Variants in POU6F2 observed in about 807,000 individuals in gnomAD.
POU6F2 encodes the protein POU domain, class 6, transcription factor 2.
A neutral mutation model predicts 71.3 loss-of-function variants in POU6F2; 31 were observed. The ratio of observed to expected loss-of-function variants is 0.43; its 90% CI spans 0.33 to 0.59. The LOEUF is 0.59. Among genes scored for constraint, POU6F2 ranks in the 20% least tolerant of loss-of-function variants. POU6F2 has a pLI of 0.04. For synonymous variants in POU6F2, 347 were observed against 355.7 expected (o/e 0.98, Z 0.27); for missense variants, 783 against 856.8 (o/e 0.91, Z 1.07).
chr7:39,377,135 A>G lies in POU6F2; in HGVS notation c.973-29465A>G, dbSNP rs1284291211. Among the ~76,000 whole-genome samples the G allele has an allele frequency of 3.3e-5, 5 of 149,274 alleles. 1 individual carries two copies. The highest frequency in any genetic ancestry group is 4.2e-4 in the South Asian group (2 of 4,780). On this transcript the variant is annotated intron_variant, in intron 5 of 9. Transcript: ENST00000518318. ...AAATATTAAATATATTTATAATTAT[A>G]TATATATTTTTTTGAGATGGAGTCT... is the stretch of plus-strand genomic sequence containing the variant.
chr7:39,204,306 C>A lies in POU6F2; in HGVS notation c.349C>A (p.Pro117Thr). Residue 117 changes from proline (P) to threonine (T), a missense_variant, in exon 3 of 10, where the codon CCA becomes ACA. Pro to Thr is a conservative substitution (Grantham distance 38). Transcript: ENST00000518318. ...ACACCAGGCCAGTCAGACCCACCCC[C>A]CATTTCCAGTTGGGCCACAGGTCAG... ...DQHQASQTHP[P>T]FPVGPQPLLT... 6.2e-7 allele frequency: 1 copy of A among 1,613,718 alleles called. No individual in the cohort carries two copies. Among genetic ancestry groups the A allele is most frequent in the Non-Finnish European group, 8.5e-7 (1 of 1,179,736 alleles).
At chr7:39,382,770 G>C (rs1259380875) in intron 5 of POU6F2, among the ~76,000 whole-genome samples, 1 of 152,300 alleles carries the variant, frequency 6.6e-6, no homozygotes, top group East Asian at 1.9e-4. Context: ...AGTCAGAAAA[G>C]CTTGAATGTA....
intron 1 of POU6F2, among the ~76,000 whole-genome samples, chr7:38,998,549 T>C (rs1788805353): frequency 6.6e-6 from 1 of 152,196 alleles, no homozygotes; most frequent in African/African-American, 2.4e-5. Context: ...CATTAGGAGA[T>C]CTGAACAAAT....
At chr7:39,241,058 C>T (rs917935272) in intron 4 of POU6F2, among the ~76,000 whole-genome samples, 1 of 152,150 alleles carries the variant, frequency 6.6e-6, no homozygotes, top group African/African-American at 2.4e-5. Flanking sequence ...GCATTTGCAA[C>T]ATCATGTAAC....
At chr7:39,174,573 A>C (rs757712077) in intron 2 of POU6F2, among the ~76,000 whole-genome samples, 1 of 152,102 alleles carries the variant, frequency 6.6e-6, no homozygotes, top group African/African-American at 2.4e-5. Context: ...GAGGTATCCT[A>C]TCACGGCCAA....
chr7:39,366,661 G>A (rs545428708), intron 5 of POU6F2, among the ~76,000 whole-genome samples: 16 of 152,212 alleles, frequency 1.1e-4, no homozygotes, highest in South Asian at 2.1e-4. Context: ...GGAAAGCAGC[G>A]TCCTCGGGAC....
intron 1 of POU6F2, among the ~76,000 whole-genome samples, chr7:39,039,473 TAAAG>T (rs1479133853): frequency 6.6e-6 from 1 of 151,832 alleles, no homozygotes; most frequent in Admixed American, 6.6e-5. Flanking sequence ...TGCATTCACT[TAAAG>T]AAAAAAAGAG....
chr7:39,226,610 T>C (rs1054227965), intron 4 of POU6F2, among the ~76,000 whole-genome samples: 4 of 152,212 alleles, frequency 2.6e-5, no homozygotes, highest in Non-Finnish European at 5.9e-5. Flanking sequence ...AACCATTTTT[T>C]TGTTTGTTTC....
intron 1 of POU6F2, among the ~76,000 whole-genome samples, chr7:39,071,849 C>T (rs915495389): frequency 2.6e-5 from 4 of 152,092 alleles, no homozygotes; most frequent in East Asian, 1.9e-4. Flanking sequence ...TTTATTTCCT[C>T]GTTTATCTTA....
At chr7:39,302,642 GTCTTGACTTGAAA>G (rs1334141236) in intron 4 of POU6F2, among the ~76,000 whole-genome samples, 2 of 152,200 alleles carry the variant, frequency 1.3e-5, no homozygotes, top group Non-Finnish European at 2.9e-5. Context: ...AAGTACATTT[GTCTTGACTTGAAA>G]GAAACAATCA....
chr7:39,281,077 C>G (rs12112084), intron 4 of POU6F2, among the ~76,000 whole-genome samples: 41,069 of 152,028 alleles, frequency 0.27, 6,296 homozygotes, highest in African/African-American at 0.41. Context: ...TATGAAAACA[C>G]GTTCATTTAG....
At chr7:39,176,950 T>C (rs1056661922) in intron 2 of POU6F2, among the ~76,000 whole-genome samples, 1 of 152,168 alleles carries the variant, frequency 6.6e-6, no homozygotes, top group East Asian at 1.9e-4. Flanking sequence ...AACTTGCCCA[T>C]AGAAAGTCAC....
At chr7:39,278,834 A>G (rs1388867346) in intron 4 of POU6F2, among the ~76,000 whole-genome samples, 1 of 152,170 alleles carries the variant, frequency 6.6e-6, no homozygotes, top group Non-Finnish European at 1.5e-5. Context: ...GGCATCCTGC[A>G]TATTGCCGTT....
intron 2 of POU6F2, among the ~76,000 whole-genome samples, chr7:39,110,561 A>C (rs915796225): frequency 6.6e-6 from 1 of 152,092 alleles, no homozygotes. Context: ...CAAATGCCTT[A>C]TTTATTGTTT....
At chr7:39,262,860 A>C (rs553092607) in intron 4 of POU6F2, among the ~76,000 whole-genome samples, 11 of 152,344 alleles carry the variant, frequency 7.2e-5, no homozygotes, top group African/African-American at 2.6e-4. Flanking sequence ...TTTTCTGTGA[A>C]TAGTACCCAG....
At chr7:39,034,448 C>G (rs941925396) in intron 1 of POU6F2, 1 of 424,444 alleles carries the variant, frequency 2.4e-6, no homozygotes, top group Non-Finnish European at 4.9e-6. Context: ...AGGAGCAGTT[C>G]TAGAATACTT....
intron 1 of POU6F2, among the ~76,000 whole-genome samples, chr7:39,066,496 T>A (rs990575891): frequency 1.3e-5 from 2 of 151,770 alleles, no homozygotes. Flanking sequence ...AGCTTTTCTA[T>A]ATAAGAGCAA....
At chr7:39,093,952 T>C (rs954348833) in intron 2 of POU6F2, among the ~76,000 whole-genome samples, 8 of 152,160 alleles carry the variant, frequency 5.3e-5, no homozygotes, top group Admixed American at 4.6e-4. Flanking sequence ...GTAGTATGTA[T>C]GTATTTTCTC....
intron 2 of POU6F2, among the ~76,000 whole-genome samples, chr7:39,194,000 A>C (rs922780028): frequency 2.6e-5 from 4 of 152,272 alleles, no homozygotes; most frequent in African/African-American, 9.6e-5. Flanking sequence ...ATGTGTATAT[A>C]TGAAGGAAAT....
Sources: allele counts gnomAD v4.1 joint callset (sites outside exome capture counted in the v4.1 genomes callset), GRCh38; gene constraint gnomAD v4.1.1; transcripts MANE v1.5; gene names NCBI Gene and HGNC (gene_info 2026-07-23, HGNC 2026-07-21).